Variants in UBTD1 observed in about 807,000 individuals in gnomAD.
UBTD1 encodes the protein ubiquitin domain-containing protein 1.
UBTD1 carries 19 observed loss-of-function variants against 21.7 expected under a neutral mutation model. That is an observed-to-expected ratio of 0.87 (90% confidence interval 0.61 to 1.28). The LOEUF (loss-of-function observed/expected upper bound fraction) is 1.28, where lower values mean the gene tolerates loss of function less well. UBTD1 is among the 50% of genes most tolerant of loss of function. The pLI is 0.00. For missense variants in UBTD1, 282 were observed against 315.1 expected, an observed-to-expected ratio of 0.89 and a Z score of 0.80; for synonymous variants, 116 against 135.1, an observed-to-expected ratio of 0.86 and a Z score of 0.98.
intron 1 of UBTD1, among the ~76,000 whole-genome samples, chr10:97,528,776 T>C (rs368595401): frequency 5.2e-5 from 4 of 76,330 alleles, no homozygotes; most frequent in East Asian, 3.6e-4. Flanking sequence ...GGGGGCTGAC[T>C]CCCCCACCTC....
intron 1 of UBTD1, among the ~76,000 whole-genome samples, chr10:97,511,245 T>C (rs1204597206): frequency 6.6e-6 from 1 of 152,132 alleles, no homozygotes; most frequent in Non-Finnish European, 1.5e-5. Flanking sequence ...CTTACACACA[T>C]CTCATCTAAT....
intron 1 of UBTD1, among the ~76,000 whole-genome samples, chr10:97,537,820 CT>C (rs57859135): frequency 0.02 from 2,334 of 119,498 alleles, 45 homozygotes; most frequent in African/African-American, 0.061. Context: ...CAGGCTTTCT[CT>C]TTTTTTTTTT....
intron 1 of UBTD1, among the ~76,000 whole-genome samples, chr10:97,531,364 C>T (rs2040531226): frequency 1.3e-5 from 2 of 152,044 alleles, no homozygotes; most frequent in Admixed American, 1.3e-4. Flanking sequence ...GCGTGCACCA[C>T]CACGCCTGGC....
At chr10:97,509,809 C>T (rs975168068) in intron 1 of UBTD1, among the ~76,000 whole-genome samples, 4 of 151,958 alleles carry the variant, frequency 2.6e-5, no homozygotes, top group African/African-American at 9.7e-5. Context: ...CACCATCACA[C>T]TCAGCTAATT....
chr10:97,499,117 G>T lies in UBTD1; in HGVS notation c.-87G>T. ...GGGGAGCGCCCGATGCCGGGCGGCC[G>T]GAGCCATTGACCCGGGACGCCGCCG... On this transcript the variant is annotated 5_prime_UTR_variant, in exon 1 of 3. Coordinates refer to ENST00000370664, the MANE Select transcript of UBTD1 (RefSeq NM_024954.5). The T allele has an allele frequency of 7.1e-7, 1 of 1,411,822 alleles. No individual in the cohort carries two copies. Among genetic ancestry groups the T allele is most frequent in the South Asian group, 1.4e-5 (1 of 71,410 alleles). The allele number at this position is 1,411,822 out of a possible 1,614,324, so 87.5% of individuals were successfully genotyped here.
intron 1 of UBTD1, among the ~76,000 whole-genome samples, chr10:97,534,615 C>T (rs932618578): frequency 7.1e-6 from 1 of 141,772 alleles, no homozygotes; most frequent in Admixed American, 7.1e-5. Context: ...ACACACACCA[C>T]CCTTACTCCT....
rs143842710 is a variant in UBTD1, at chr10:97,524,095, T to A, written c.70+24822T>A. ...CTCCGAGGCTGCCCTCCCACCCTGATCACAGTGCCCCTGCTCCTTATGGGT... is the reference window on the plus strand; with the variant it reads ...CTCCGAGGCTGCCCTCCCACCCTGAACACAGTGCCCCTGCTCCTTATGGGT... On this transcript the variant is annotated intron_variant, in intron 1 of 2. Coordinates refer to ENST00000370664, the MANE Select transcript of UBTD1 (RefSeq NM_024954.5). Among the ~76,000 whole-genome samples the A allele has an allele frequency of 1.8e-3, 271 of 152,198 alleles. 1 individual carries two copies. Among genetic ancestry groups the A allele is most frequent in the African/African-American group, 6.4e-3 (264 of 41,536 alleles).
At chr10:97,552,561 A>AATTTTTGT (rs1237614267) in intron 1 of UBTD1, among the ~76,000 whole-genome samples, 2 of 151,838 alleles carry the variant, frequency 1.3e-5, no homozygotes, top group African/African-American at 4.8e-5. Flanking sequence ...AAGCCTGGCT[A>AATTTTTGT]ATTTTTGTAT....
chr10:97,534,381 G>A (rs980962656), intron 1 of UBTD1, among the ~76,000 whole-genome samples: 38 of 152,176 alleles, frequency 2.5e-4, no homozygotes, highest in African/African-American at 8.9e-4. Context: ...TTAAATGGGA[G>A]CTTTGTTTGA....
At chr10:97,524,882 T>C (rs2040481479) in intron 1 of UBTD1, among the ~76,000 whole-genome samples, 1 of 152,194 alleles carries the variant, frequency 6.6e-6, no homozygotes, top group Admixed American at 6.5e-5. Flanking sequence ...CTACCTTCCC[T>C]AGGCCCTGGT....
At chr10:97,533,047 C>T (rs773263072) in intron 1 of UBTD1, among the ~76,000 whole-genome samples, 2 of 152,190 alleles carry the variant, frequency 1.3e-5, no homozygotes, top group Non-Finnish European at 2.9e-5. Flanking sequence ...GGCCTTGTGG[C>T]TGACTCCTGC....
intron 1 of UBTD1, among the ~76,000 whole-genome samples, chr10:97,552,392 C>G (rs1564743053): frequency 7.0e-5 from 3 of 42,854 alleles, no homozygotes; most frequent in Non-Finnish European, 2.0e-4. Flanking sequence ...AATTATACAC[C>G]CTTTTTTTTT....
intron 1 of UBTD1, among the ~76,000 whole-genome samples, chr10:97,502,875 G>A (rs936370381): frequency 1.4e-5 from 2 of 138,760 alleles, no homozygotes; most frequent in African/African-American, 5.4e-5. Context: ...ACGTATATAT[G>A]TATATATATA....
chr10:97,568,593 C>T (rs757234308), intron 2 of UBTD1, among the ~76,000 whole-genome samples: 14 of 149,374 alleles, frequency 9.4e-5, no homozygotes, highest in Non-Finnish European at 1.6e-4. Context: ...GGCTAATTTT[C>T]GTATTTTTAG....
chr10:97,530,000 C>T (rs564366982), intron 1 of UBTD1, among the ~76,000 whole-genome samples: 50 of 152,162 alleles, frequency 3.3e-4, no homozygotes, highest in Admixed American at 2.6e-3. Flanking sequence ...TAAGACCTTC[C>T]GCAGAGGGGG....
At position 97,499,232 on chromosome 10, in the gene UBTD1, G is replaced by C; in HGVS notation, c.29G>C (p.Arg10Pro). 1 of 1,548,358 alleles carries C rather than the reference G, an allele frequency of 6.5e-7. No homozygotes were observed. Among genetic ancestry groups the C allele is most frequent in the Non-Finnish European group, 8.7e-7 (1 of 1,145,790 alleles). MGNCVGRQR[R>P]ERPAAPGHPR... ...GGCAACTGCGTGGGGAGACAGCGCC[G>C]GGAGAGGCCGGCAGCCCCGGGACAC... Residue 10 changes from arginine (R) to proline (P), a missense_variant, in exon 1 of 3, where the codon CGG becomes CCG. By Grantham distance (103) the Arg-to-Pro change is moderately radical. Coordinates refer to ENST00000370664, the MANE Select transcript of UBTD1 (RefSeq NM_024954.5).
At chr10:97,518,943 C>T (rs1183142297) in intron 1 of UBTD1, among the ~76,000 whole-genome samples, 2 of 152,228 alleles carry the variant, frequency 1.3e-5, no homozygotes, top group Admixed American at 6.5e-5. Context: ...TGATCATCCT[C>T]TCACAGCAGG....
chr10:97,539,216 C>T (rs751650290), intron 1 of UBTD1, among the ~76,000 whole-genome samples: 1 of 152,166 alleles, frequency 6.6e-6, no homozygotes, highest in African/African-American at 2.4e-5. Context: ...GAGGGATGGG[C>T]AGGGGAACAA....
At chr10:97,504,386 C>T (rs2040390108) in intron 1 of UBTD1, among the ~76,000 whole-genome samples, 1 of 152,166 alleles carries the variant, frequency 6.6e-6, no homozygotes, top group Admixed American at 6.5e-5. Context: ...ATATGATTTT[C>T]ACCTGCTCAC....
Sources: gnomAD v4.1 joint callset for allele counts (sites outside exome capture counted in the v4.1 genomes callset) on GRCh38, gnomAD v4.1.1 for gene constraint, MANE v1.5 for transcripts, NCBI Gene and HGNC (gene_info 2026-07-23, HGNC 2026-07-21) for gene names.